Variants in DHODH observed in about 807,000 individuals in gnomAD.
DHODH encodes the protein dihydroorotate dehydrogenase (quinone), mitochondrial.
DHODH carries 30 observed loss-of-function variants against 39.7 expected under a neutral mutation model. The ratio of observed to expected loss-of-function variants is 0.76; its 90% CI spans 0.57 to 1.02. DHODH has a LOEUF of 1.02. Among genes scored for constraint, DHODH ranks in the 50% least tolerant of loss-of-function variants. The probability of loss-of-function intolerance (pLI) is 0.00; values close to 1 mark genes in which losing one functional copy is unlikely to be tolerated. For synonymous variants in DHODH, 222 were observed against 213.8 expected, an observed-to-expected ratio of 1.04 and a Z score of -0.34; for missense variants, 531 against 520.8, an observed-to-expected ratio of 1.02 and a Z score of -0.19.
intron 1 of DHODH, among the ~76,000 whole-genome samples, chr16:72,011,696 G>C (rs933509618): frequency 6.6e-6 from 1 of 152,220 alleles, no homozygotes; most frequent in African/African-American, 2.4e-5. Flanking sequence ...ATGTCAGATA[G>C]TCTCAAGCCA....
intron 4 of DHODH, among the ~76,000 whole-genome samples, chr16:72,018,538 C>T (rs1005510288): frequency 2.6e-5 from 4 of 152,166 alleles, no homozygotes; most frequent in African/African-American, 9.7e-5. Context: ...TTTTTCTTCT[C>T]CTCGGTGTCT....
In DHODH at chr16:72,016,700, C is replaced by T. The variant is rs988480004; in HGVS notation, c.435-324C>T. The T allele has an allele frequency of 2.9e-5, 11 of 373,794 alleles. No individual in the cohort carries two copies. The Admixed American group carries it at 3.7e-4, about 13-fold the overall frequency. 23.2% of individuals were successfully genotyped at this position (373,794 alleles called of 1,614,324 possible). ...GGGCTTCAGGAGGCTGTTTGGGAGC[C>T]CAGGCAGAAGGTGGCAAGTGAGTGT... On this transcript the variant is annotated intron_variant, in intron 3 of 8. Transcript: ENST00000219240.
At position 72,023,185 on chromosome 16, in the gene DHODH, T is replaced by C. The variant is rs746587719; in HGVS notation, c.840T>C (p.Ile280=). ...VVKELGIDGL[I]VTNTTVSRPA... is the part of the protein sequence containing the mutation. ...TGCAGTTGGGCATCGATGGGCTGAT[T>C]GTTACGAACACCACCGTGAGTCGCC... Residue 280 remains isoleucine (I), a synonymous_variant, in exon 7 of 9, where the codon ATT becomes ATC. Coordinates refer to ENST00000219240, the MANE Select transcript of DHODH (RefSeq NM_001361.5). The C allele has an allele frequency of 6.8e-6, 11 of 1,614,092 alleles. No homozygotes were observed. The highest frequency in any genetic ancestry group is 9.3e-6 in the Non-Finnish European group (11 of 1,180,048).
chr16:72,010,829 A>G (rs1168134139), intron 1 of DHODH, among the ~76,000 whole-genome samples: 1 of 152,174 alleles, frequency 6.6e-6, no homozygotes, highest in Non-Finnish European at 1.5e-5. Flanking sequence ...CCTGGGCTCA[A>G]GGGATCCACC....
chr16:72,009,135 C>G, intron 1 of DHODH: 1 of 1,197,978 alleles, frequency 8.3e-7, no homozygotes, highest in Non-Finnish European at 1.0e-6. Flanking sequence ...GGACATGCTC[C>G]CAACCCTTTT....
intron 3 of DHODH, chr16:72,015,796 A>G: frequency 1.0e-6 from 1 of 985,426 alleles, no homozygotes; most frequent in African/African-American, 1.7e-5. Flanking sequence ...CCTATAGGTG[A>G]GCAGGGGTGT....
chr16:72,021,130 T>C lies in DHODH; in HGVS notation c.524T>C (p.Leu175Pro), dbSNP rs2041209291. The change falls in exon 5 of 9, where the codon CTG (leucine) becomes CCG (proline). Residue 175 changes from leucine to proline, a missense_variant. Physicochemically the swap from Leu to Pro is moderately conservative, Grantham distance 98 (BLOSUM62 -3). Coordinates refer to ENST00000219240, the MANE Select transcript of DHODH (RefSeq NM_001361.5). Reference sequence around the variant, plus strand: ...TGACCAGCGATGTTTGCAGATGGACTGCCTCTGGGGGTCAACTTGGGGAAG... The same window carrying C: ...TGACCAGCGATGTTTGCAGATGGACCGCCTCTGGGGGTCAACTTGGGGAAG... ...QKQAKLTEDG[L>P]PLGVNLGKNK... is the part of the protein sequence containing the mutation. The C allele has an allele frequency of 6.2e-7, 1 of 1,605,776 alleles. No individual in the cohort carries two copies. The highest frequency in any genetic ancestry group is 1.3e-5 in the African/African-American group (1 of 74,722).
At chr16:72,020,078 CCATCCTGGCCAA>C (rs1279284763) in intron 4 of DHODH, among the ~76,000 whole-genome samples, 2 of 151,890 alleles carry the variant, frequency 1.3e-5, no homozygotes, top group Non-Finnish European at 1.5e-5. Flanking sequence ...GAGATGGAGA[CCATCCTGGCCAA>C]CATGGTGAAA....
At chr16:72,009,167 G>A (rs2041053973) in intron 1 of DHODH, 2 of 1,107,794 alleles carry the variant, frequency 1.8e-6, no homozygotes, top group African/African-American at 3.2e-5. Flanking sequence ...TGTTAGGGGC[G>A]GGGGTCTCTG....
Position 72,026,842 on chromosome 16 carries a change from G to A in DHODH, c.*2643G>A, listed in dbSNP as rs2041279806. 1 of 151,892 alleles carries A rather than the reference G, an allele frequency of 6.6e-6. No homozygotes were observed. Among genetic ancestry groups the A allele is most frequent in the Admixed American group, 6.6e-5 (1 of 15,192 alleles). The allele number at this position is 151,892 out of a possible 1,614,324, so 9.4% of individuals were successfully genotyped here. On this transcript the variant is annotated 3_prime_UTR_variant, in exon 9 of 9. Coordinates refer to ENST00000219240, the MANE Select transcript of DHODH (RefSeq NM_001361.5). Reference sequence around the variant, plus strand: ...GTCTCGCTCTGTCTCCCAGGCTAGAGTGCAGTGGCATGATCTCAGCTCACT... The same window carrying A: ...GTCTCGCTCTGTCTCCCAGGCTAGAATGCAGTGGCATGATCTCAGCTCACT...
At chr16:72,018,391 T>C (rs181702397) in intron 4 of DHODH, among the ~76,000 whole-genome samples, 212 of 152,260 alleles carry the variant, frequency 1.4e-3, no homozygotes, top group African/African-American at 4.9e-3. Flanking sequence ...ATTTGGGGAA[T>C]AGGAAATTAT....
intron 4 of DHODH, among the ~76,000 whole-genome samples, chr16:72,020,249 C>A (rs1270667116): frequency 6.8e-6 from 1 of 146,970 alleles, no homozygotes; most frequent in Non-Finnish European, 1.5e-5. Flanking sequence ...ACATTCCAGC[C>A]TGGGCAACAG....
chr16:72,014,815 G>C (rs931385878), intron 3 of DHODH, 143 bp downstream of exon 3: 1 of 851,308 alleles, frequency 1.2e-6, no homozygotes. Context: ...ACCCTGTTCA[G>C]CATCTACTAT....
In DHODH at chr16:72,023,160, T is replaced by G; in HGVS notation, c.820-5T>G. ...TCATGGCTTTTTCTCTATCTCGCAC[T>G]GCAGTTGGGCATCGATGGGCTGATT... On this transcript the variant is annotated splice_region_variant and splice_polypyrimidine_tract_variant and intron_variant, in intron 6 of 8. Transcript: ENST00000219240. 6.2e-7 allele frequency: 1 copy of G among 1,614,166 alleles called. No homozygotes were observed. The highest frequency in any genetic ancestry group is 8.5e-7 in the Non-Finnish European group (1 of 1,180,012).
At chr16:72,016,868 G>T in intron 3 of DHODH, 156 bp from the exon 4 acceptor site, 1 of 706,554 alleles carries the variant, frequency 1.4e-6, no homozygotes, top group Admixed American at 2.1e-5. Flanking sequence ...TGGTGTTCTG[G>T]CAAGTTCTCT....
intron 4 of DHODH, among the ~76,000 whole-genome samples, chr16:72,018,632 C>T (rs962766354): frequency 1.2e-4 from 18 of 152,166 alleles, no homozygotes; most frequent in Non-Finnish European, 1.3e-4. Context: ...CGGAGTGAAG[C>T]GGAGCCTGCA....
At chr16:72,019,688 G>T (rs1207249468) in intron 4 of DHODH, among the ~76,000 whole-genome samples, 4 of 152,184 alleles carry the variant, frequency 2.6e-5, no homozygotes, top group Non-Finnish European at 4.4e-5. Context: ...AGGGGCAGGT[G>T]TTAACAATGA....
At chr16:72,022,093 CAAAAAA>C (rs57957042) in intron 5 of DHODH, among the ~76,000 whole-genome samples, 1 of 86,066 alleles carries the variant, frequency 1.2e-5, no homozygotes. Flanking sequence ...GACCTTGTCT[CAAAAAA>C]AAAAAAAAAA....
At chr16:72,017,236 C>T (rs1280707270) in intron 4 of DHODH, 130 bp downstream of exon 4, 1 of 935,478 alleles carries the variant, frequency 1.1e-6, no homozygotes, top group East Asian at 2.7e-5. Context: ...CTCAGGACAC[C>T]TCTCCTAGAG....
Sources: allele counts gnomAD v4.1 joint callset (sites outside exome capture counted in the v4.1 genomes callset), GRCh38; gene constraint gnomAD v4.1.1; transcripts MANE v1.5; gene names NCBI Gene and HGNC (gene_info 2026-07-23, HGNC 2026-07-21).